The following TET3 variants were observed in gnomAD, a reference collection of about 807,000 sequenced individuals.
The protein encoded by TET3 is tet methylcytosine dioxygenase 3.
TET3 carries 19 observed loss-of-function variants against 141.4 expected under a neutral mutation model. That is an observed-to-expected ratio of 0.13 (90% CI 0.09 to 0.20). The LOEUF (loss-of-function observed/expected upper bound fraction) is 0.20. TET3 is among the 10% of genes least tolerant of loss of function. The pLI is 1.00. For synonymous variants in TET3, 1,043 were observed against 980.9 expected (o/e 1.06, Z -1.18); for missense variants, 1,874 against 2,356.9 (o/e 0.80, Z 4.24).
intron 3 of TET3, among the ~76,000 whole-genome samples, chr2:74,039,228 A>T (rs1687219928): frequency 1.3e-5 from 2 of 152,172 alleles, no homozygotes; most frequent in Admixed American, 1.3e-4. Flanking sequence ...AGGGCTTATG[A>T]TTCTGTGCCT....
At chr2:74,134,791 G>C in the TET3 span, 1 of 456,520 alleles carries the variant, frequency 2.2e-6, no homozygotes, top group African/African-American at 2.0e-5. Flanking sequence ...CACCACCATG[G>C]ACTCCAGAGA....
the TET3 span, among the ~76,000 whole-genome samples, chr2:74,119,645 G>GGT: frequency 2.6e-5 from 4 of 152,174 alleles, no homozygotes; most frequent in Non-Finnish European, 5.9e-5. Context: ...TAATCCAGGA[G>GGT]GTGTTACTTT....
At chr2:74,036,428 G>A (rs574386982) in intron 3 of TET3, among the ~76,000 whole-genome samples, 27 of 152,226 alleles carry the variant, frequency 1.8e-4, no homozygotes, top group African/African-American at 6.3e-4. Flanking sequence ...CCCTATTGTT[G>A]GGGCACTCAG....
At chr2:74,027,124 C>G (rs186951163) in intron 3 of TET3, among the ~76,000 whole-genome samples, 1 of 152,160 alleles carries the variant, frequency 6.6e-6, no homozygotes, top group Non-Finnish European at 1.5e-5. Context: ...ATGAATTGCA[C>G]GACACTCTTG....
chr2:74,003,614 T>G (rs534390394), intron 3 of TET3, among the ~76,000 whole-genome samples: 1 of 150,288 alleles, frequency 6.7e-6, no homozygotes, highest in Non-Finnish European at 1.5e-5. Context: ...AGTCTGAAGC[T>G]GATAGGATGT....
At chr2:74,062,355 G>T (rs1398336947) in intron 4 of TET3, among the ~76,000 whole-genome samples, 2 of 152,232 alleles carry the variant, frequency 1.3e-5, no homozygotes, top group African/African-American at 4.8e-5. Context: ...GTATGGAGAG[G>T]CTGGCGATGA....
chr2:74,023,639 C>T (rs1378534629), intron 3 of TET3, among the ~76,000 whole-genome samples: 1 of 152,200 alleles, frequency 6.6e-6, no homozygotes, highest in African/African-American at 2.4e-5. Context: ...TTGGCCACAT[C>T]TGGTTGGTGA....
chr2:74,002,899 A>G, intron 2 of TET3: 7 of 592,736 alleles, frequency 1.2e-5, no homozygotes, highest in Non-Finnish European at 1.8e-5. Flanking sequence ...AATGAAAACA[A>G]AAACACACTG....
At chr2:73,995,180 G>A (rs988434070) in intron 2 of TET3, among the ~76,000 whole-genome samples, 1 of 152,162 alleles carries the variant, frequency 6.6e-6, no homozygotes, top group African/African-American at 2.4e-5. Context: ...GTCTGATCTT[G>A]AACTCCTGAC....
intron 2 of TET3, chr2:74,002,854 G>A: frequency 5.3e-6 from 3 of 569,430 alleles, no homozygotes; most frequent in East Asian, 2.9e-5. Flanking sequence ...GGGGGTCGCC[G>A]TCCTCTCGGA....
At chr2:74,063,234 C>A (rs1233637832) in intron 4 of TET3, among the ~76,000 whole-genome samples, 1 of 151,484 alleles carries the variant, frequency 6.6e-6, no homozygotes, top group African/African-American at 2.4e-5. Context: ...CATGTAAGAT[C>A]ACTTTGAGAA....
chr2:74,128,543 T>C, the TET3 span, among the ~76,000 whole-genome samples: 2 of 152,118 alleles, frequency 1.3e-5, no homozygotes, highest in African/African-American at 4.8e-5. Context: ...TGTAACAAAT[T>C]CATTGTAACA....
chr2:74,042,566 T>C (rs1687395023), intron 3 of TET3, among the ~76,000 whole-genome samples: 1 of 152,266 alleles, frequency 6.6e-6, no homozygotes, highest in African/African-American at 2.4e-5. Flanking sequence ...CCCGAAGCTC[T>C]CACCTTTGTG....
chr2:74,016,156 C>A (rs1308199287), intron 3 of TET3, among the ~76,000 whole-genome samples: 1 of 151,890 alleles, frequency 6.6e-6, no homozygotes, highest in African/African-American at 2.4e-5. Flanking sequence ...TTGCTTGAGG[C>A]CAAGAGTTCT....
At chr2:73,994,313 G>C (rs995266564) in intron 2 of TET3, among the ~76,000 whole-genome samples, 8 of 152,232 alleles carry the variant, frequency 5.3e-5, no homozygotes, top group African/African-American at 1.2e-4. Flanking sequence ...GGCAAAGCTT[G>C]TATGAAGAAG....
chr2:74,001,731 C>T (rs932252279), intron 2 of TET3, among the ~76,000 whole-genome samples: 3 of 152,190 alleles, frequency 2.0e-5, no homozygotes, highest in Non-Finnish European at 2.9e-5. Context: ...TCATCCTGCC[C>T]TCCTTTCAGT....
intron 4 of TET3, among the ~76,000 whole-genome samples, chr2:74,053,241 AG>A (rs200995377): frequency 2.8e-5 from 4 of 144,046 alleles, no homozygotes; most frequent in African/African-American, 7.5e-5. Flanking sequence ...CTCATTGGAG[AG>A]TCCCCCCCCA....
At chr2:74,118,817 C>G in the TET3 span, among the ~76,000 whole-genome samples, 4 of 152,158 alleles carry the variant, frequency 2.6e-5, no homozygotes, top group African/African-American at 9.7e-5. Flanking sequence ...GTCCTAAGAA[C>G]AGTCATTCTC....
Position 74,090,038 on chromosome 2 carries a change from T to C in TET3, c.3030T>C (p.Asn1010=). ...GCAAGTTCCGCCTCGCAGGGGACAA[T>C]CCCAAAGAGGTGAGCAGAGCTGGGC... ...TPRKFRLAGD[N]PKEEEVLRKS... The change falls in exon 8 of 12, where the codon AAT becomes AAC. Residue 1010 remains asparagine, a synonymous_variant. Coordinates refer to ENST00000409262, the MANE Select transcript of TET3 (RefSeq NM_001287491.2). 1 of 1,613,940 alleles carries C rather than the reference T, an allele frequency of 6.2e-7. No homozygotes were observed. The highest frequency in any genetic ancestry group is 8.5e-7 in the Non-Finnish European group (1 of 1,179,870).
Sources: allele counts gnomAD v4.1 joint callset (sites outside exome capture counted in the v4.1 genomes callset), GRCh38; gene constraint gnomAD v4.1.1; transcripts MANE v1.5; gene names NCBI Gene and HGNC (gene_info 2026-07-23, HGNC 2026-07-21).